Variants in CSMD1 observed in about 807,000 individuals in gnomAD.
CSMD1 encodes CUB and Sushi multiple domains 1, also known as CUB and sushi domain-containing protein 1.
CSMD1 carries 213 observed loss-of-function variants against 417.5 expected under a neutral mutation model. The ratio of observed to expected loss-of-function variants is 0.51; its 90% CI spans 0.46 to 0.57. CSMD1 has a LOEUF of 0.57. Among genes scored for constraint, CSMD1 ranks in the 20% least tolerant of loss-of-function variants. The pLI is 0.00. For synonymous variants in CSMD1, 2,862 were observed against 1,736.8 expected (o/e 1.65, Z -16.11); for missense variants, 6,923 against 4,529.7 (o/e 1.53, Z -15.17).
chr8:3,835,675 A>G (rs909303971), intron 5 of CSMD1, among the ~76,000 whole-genome samples: 2 of 151,736 alleles, frequency 1.3e-5, no homozygotes, highest in African/African-American at 4.8e-5. Flanking sequence ...ACAAACCTGC[A>G]CATTGTGCAC....
At chr8:4,160,480 G>A (rs1015744085) in intron 3 of CSMD1, among the ~76,000 whole-genome samples, 1 of 152,150 alleles carries the variant, frequency 6.6e-6, no homozygotes, top group African/African-American at 2.4e-5. Flanking sequence ...GTGTCTTCAT[G>A]AGGTCCGAAC....
intron 5 of CSMD1, among the ~76,000 whole-genome samples, chr8:3,988,644 T>C (rs1814513456): frequency 6.6e-6 from 1 of 152,236 alleles, no homozygotes; most frequent in Non-Finnish European, 1.5e-5. Context: ...AAATATGTAC[T>C]TCGGTCAAAA....
intron 3 of CSMD1, among the ~76,000 whole-genome samples, chr8:4,327,500 G>C (rs1034340479): frequency 1.3e-5 from 2 of 152,166 alleles, no homozygotes; most frequent in Admixed American, 6.5e-5. Flanking sequence ...TCTGTGCTGA[G>C]TGCCTTTCTT....
chr8:4,401,186 A>T (rs1052238288), intron 3 of CSMD1, among the ~76,000 whole-genome samples: 1 of 152,198 alleles, frequency 6.6e-6, no homozygotes, highest in Non-Finnish European at 1.5e-5. Flanking sequence ...CCAAATTAAG[A>T]GAAAAACTCT....
intron 2 of CSMD1, among the ~76,000 whole-genome samples, chr8:4,442,267 T>C (rs538244031): frequency 1.3e-5 from 2 of 152,178 alleles, no homozygotes; most frequent in African/African-American, 4.8e-5. Flanking sequence ...AAATTTTGTT[T>C]TTATAACAGT....
At chr8:4,660,235 A>C (rs978175794) in intron 1 of CSMD1, among the ~76,000 whole-genome samples, 4 of 152,100 alleles carry the variant, frequency 2.6e-5, no homozygotes, top group African/African-American at 9.7e-5. Context: ...TCTACCAAGA[A>C]ATTCCCATAA....
intron 2 of CSMD1, among the ~76,000 whole-genome samples, chr8:4,442,452 C>T (rs1228296): frequency 6.6e-6 from 1 of 152,006 alleles, no homozygotes; most frequent in South Asian, 2.1e-4. Flanking sequence ...ATAAATACAT[C>T]TACTTACATG....
At chr8:3,482,490 C>A (rs186035936) in intron 11 of CSMD1, among the ~76,000 whole-genome samples, 11 of 152,208 alleles carry the variant, frequency 7.2e-5, no homozygotes, top group Middle Eastern at 3.4e-3. Context: ...TAAATGTGTA[C>A]AAACCAAATA....
At chr8:3,080,471 C>A (rs1814007260) in intron 49 of CSMD1, among the ~76,000 whole-genome samples, 1 of 152,182 alleles carries the variant, frequency 6.6e-6, no homozygotes, top group Non-Finnish European at 1.5e-5. Context: ...CTGGAGTTCC[C>A]TGAAACCAAT....
At chr8:4,148,793 G>A (rs1185567703) in intron 3 of CSMD1, among the ~76,000 whole-genome samples, 2 of 152,092 alleles carry the variant, frequency 1.3e-5, no homozygotes, top group Non-Finnish European at 2.9e-5. Flanking sequence ...TTCAACAGGT[G>A]CATTGGGAAG....
At chr8:4,301,906 G>C (rs1194532401) in intron 3 of CSMD1, among the ~76,000 whole-genome samples, 1 of 152,098 alleles carries the variant, frequency 6.6e-6, no homozygotes, top group Non-Finnish European at 1.5e-5. Flanking sequence ...AAGTTTATTA[G>C]AATTTATGTT....
intron 7 of CSMD1, among the ~76,000 whole-genome samples, chr8:3,629,849 C>T (rs1796689738): frequency 1.3e-5 from 2 of 152,178 alleles, no homozygotes; most frequent in Admixed American, 6.5e-5. Flanking sequence ...TTTGATGTCT[C>T]CACAAACAAA....
intron 49 of CSMD1, among the ~76,000 whole-genome samples, chr8:3,072,984 A>G (rs775258589): frequency 1.3e-5 from 2 of 152,198 alleles, no homozygotes; most frequent in Non-Finnish European, 2.9e-5. Context: ...CTCTTCTCCT[A>G]ATGAAAAATA....
intron 26 of CSMD1, among the ~76,000 whole-genome samples, chr8:3,268,287 CTATTTTTTTTTT>C (rs1318290968): frequency 5.2e-5 from 6 of 114,652 alleles, no homozygotes; most frequent in Admixed American, 4.2e-4. Flanking sequence ...GGTTCATTTC[CTATTTTTTTTTT>C]TTTTTTTTTT....
chr8:4,310,391 T>C (rs1415869139), intron 3 of CSMD1, among the ~76,000 whole-genome samples: 1 of 152,216 alleles, frequency 6.6e-6, no homozygotes, highest in African/African-American at 2.4e-5. Flanking sequence ...ACAGCCTACA[T>C]GATGCCCAGT....
rs183773884 is a variant in CSMD1, at chr8:4,099,241, C to A, written c.416-67142G>T. Among the ~76,000 whole-genome samples, 20 of 151,826 alleles carry A rather than the reference C, an allele frequency of 1.3e-4. No homozygotes were observed. In the East Asian group the frequency reaches 3.9e-3, roughly 29 times the overall value. On this transcript the variant is annotated intron_variant, in intron 3 of 69. Coordinates refer to ENST00000635120, the MANE Select transcript of CSMD1 (RefSeq NM_033225.6). ...ACACACACCATTTCTAATTCCTTCC[C>A]TCTTCAAGTGTCTTTCTTTGTTCTG...
intron 7 of CSMD1, among the ~76,000 whole-genome samples, chr8:3,685,458 C>A (rs949065562): frequency 2.0e-5 from 3 of 152,124 alleles, no homozygotes; most frequent in Non-Finnish European, 4.4e-5. Flanking sequence ...AGGCTTTAAT[C>A]GGATGCTGCA....
intron 2 of CSMD1, among the ~76,000 whole-genome samples, chr8:4,600,194 A>G (rs547778401): frequency 6.7e-6 from 1 of 149,106 alleles, no homozygotes; most frequent in South Asian, 2.2e-4. Flanking sequence ...AATGTCAAAT[A>G]CATTTCCATA....
intron 3 of CSMD1, among the ~76,000 whole-genome samples, chr8:4,143,845 T>C (rs1334702932): frequency 6.6e-6 from 1 of 151,110 alleles, no homozygotes; most frequent in Non-Finnish European, 1.5e-5. Flanking sequence ...TAAGTACTTA[T>C]TTTGAGGTCC....
Sources: gnomAD v4.1 joint callset for allele counts (sites outside exome capture counted in the v4.1 genomes callset) on GRCh38, gnomAD v4.1.1 for gene constraint, MANE v1.5 for transcripts, NCBI Gene and HGNC (gene_info 2026-07-23, HGNC 2026-07-21) for gene names.